Variants in PTPRD observed in about 807,000 individuals in gnomAD.
PTPRD encodes the protein receptor-type tyrosine-protein phosphatase delta.
In PTPRD, 34 loss-of-function variants were observed where a neutral mutation model predicts 214.5. That is an observed-to-expected ratio of 0.16 (90% CI 0.12 to 0.21). The LOEUF is 0.21. Among genes scored for constraint, PTPRD ranks in the 10% least tolerant of loss-of-function variants. PTPRD has a pLI of 1.00. For missense variants in PTPRD, 2,545 were observed against 2,398.7 expected (o/e 1.06, Z -1.27); for synonymous variants, 1,128 against 845.7 (o/e 1.33, Z -5.79).
At chr9:9,025,371 G>C (rs1010934928) in intron 10 of PTPRD, among the ~76,000 whole-genome samples, 29 of 151,986 alleles carry the variant, frequency 1.9e-4, no homozygotes, top group African/African-American at 6.5e-4. Flanking sequence ...TCATTGTATA[G>C]AATGTGACTT....
intron 2 of PTPRD, among the ~76,000 whole-genome samples, chr9:10,473,912 C>A (rs1290313346): frequency 6.6e-6 from 1 of 151,832 alleles, no homozygotes; most frequent in East Asian, 1.9e-4. Context: ...ATATTAGATT[C>A]CCCTTGAAAG....
chr9:8,646,781 A>T (rs1024157921), intron 12 of PTPRD, among the ~76,000 whole-genome samples: 2 of 152,168 alleles, frequency 1.3e-5, no homozygotes, highest in African/African-American at 2.4e-5. Flanking sequence ...AAAATTATAC[A>T]TGCCCCTGGT....
At chr9:8,580,586 A>C (rs1433868895) in intron 14 of PTPRD, among the ~76,000 whole-genome samples, 2 of 152,212 alleles carry the variant, frequency 1.3e-5, no homozygotes, top group Admixed American at 1.3e-4. Context: ...TGACAGGTTA[A>C]TTAAAAAGAC....
At chr9:9,320,206 T>G (rs1208045138) in intron 9 of PTPRD, among the ~76,000 whole-genome samples, 1 of 152,154 alleles carries the variant, frequency 6.6e-6, no homozygotes, top group Admixed American at 6.6e-5. Flanking sequence ...TTTCTTCCTT[T>G]TGTTCTTATT....
chr9:9,332,231 T>C (rs1432126694), intron 9 of PTPRD, among the ~76,000 whole-genome samples: 1 of 148,538 alleles, frequency 6.7e-6, no homozygotes, highest in Non-Finnish European at 1.5e-5. Flanking sequence ...AAAGCCAATT[T>C]AGCAGGTGGA....
intron 2 of PTPRD, among the ~76,000 whole-genome samples, chr9:10,611,204 A>G (rs922427467): frequency 2.6e-5 from 4 of 152,282 alleles, no homozygotes; most frequent in Admixed American, 1.3e-4. Flanking sequence ...TCTAATCACT[A>G]TTAGACTCTA....
intron 11 of PTPRD, among the ~76,000 whole-genome samples, chr9:8,949,147 C>T (rs1026396431): frequency 6.6e-6 from 1 of 150,838 alleles, no homozygotes; most frequent in African/African-American, 2.4e-5. Flanking sequence ...TCGCTTGAAC[C>T]CGGGAGGTGG....
At chr9:10,089,236 A>AATAAATAGATAG (rs531093721) in intron 3 of PTPRD, among the ~76,000 whole-genome samples, 2 of 150,720 alleles carry the variant, frequency 1.3e-5, no homozygotes, top group African/African-American at 4.9e-5. Context: ...TAAATAAATA[A>AATAAATAGATAG]ATAGAAATAA....
chr9:9,887,438 A>G (rs992609498), intron 5 of PTPRD, among the ~76,000 whole-genome samples: 3 of 152,178 alleles, frequency 2.0e-5, no homozygotes, highest in African/African-American at 7.2e-5. Flanking sequence ...AAGAGGCTGC[A>G]ATACATATAA....
chr9:8,968,194 GA>G (rs1189683250), intron 11 of PTPRD, among the ~76,000 whole-genome samples: 3 of 152,022 alleles, frequency 2.0e-5, no homozygotes, highest in African/African-American at 7.3e-5. Flanking sequence ...TTGCTATTGT[GA>G]ATAGTGCTGC....
intron 2 of PTPRD, among the ~76,000 whole-genome samples, chr9:10,587,004 A>T (rs2074099568): frequency 6.6e-6 from 1 of 152,116 alleles, no homozygotes; most frequent in Non-Finnish European, 1.5e-5. Flanking sequence ...TTTCACCATC[A>T]AGATCCTAGA....
intron 35 of PTPRD, among the ~76,000 whole-genome samples, chr9:8,413,927 A>T (rs1191352152): frequency 6.6e-6 from 1 of 152,128 alleles, no homozygotes; most frequent in African/African-American, 2.4e-5. Context: ...AAATCAGTAC[A>T]TTGATGATCT....
chr9:9,281,688 G>T (rs1406034920), intron 9 of PTPRD, among the ~76,000 whole-genome samples: 1 of 151,248 alleles, frequency 6.6e-6, no homozygotes, highest in Admixed American at 6.6e-5. Flanking sequence ...AAACAGTGTG[G>T]CAGTTTCTTA....
chr9:10,019,760 C>T (rs933223361), intron 4 of PTPRD, among the ~76,000 whole-genome samples: 1 of 145,152 alleles, frequency 6.9e-6, no homozygotes, highest in Admixed American at 7.2e-5. Flanking sequence ...GGGAACATCA[C>T]ACACTGGGGC....
chr9:8,675,815 C>T lies in PTPRD; in HGVS notation c.65-38971G>A, dbSNP rs76096793. ...AACCAGGGCAATTTTAGAAGCATTC[C>T]AACTTATCTATATTTACAGTAGCAT... On this transcript the variant is annotated intron_variant, in intron 12 of 45. Transcript: ENST00000381196. Among the ~76,000 whole-genome samples, 1,285 of 152,244 alleles carry T rather than the reference C, an allele frequency of 8.4e-3. 26 individuals are homozygous for T. The highest frequency in any genetic ancestry group is 0.03 in the African/African-American group (1,234 of 41,528).
chr9:9,956,847 G>T (rs1016357319), intron 4 of PTPRD, among the ~76,000 whole-genome samples: 1 of 152,004 alleles, frequency 6.6e-6, no homozygotes, highest in African/African-American at 2.4e-5. Context: ...AAAATAGAAA[G>T]CACATAAAAT....
intron 4 of PTPRD, among the ~76,000 whole-genome samples, chr9:9,960,357 A>C (rs905055663): frequency 2.6e-5 from 4 of 152,168 alleles, no homozygotes; most frequent in Non-Finnish European, 4.4e-5. Context: ...GAATAATTCT[A>C]AATAATGTAT....
intron 3 of PTPRD, among the ~76,000 whole-genome samples, chr9:10,073,264 T>G (rs545016890): frequency 1.2e-4 from 18 of 152,036 alleles, no homozygotes; most frequent in Non-Finnish European, 2.2e-4. Flanking sequence ...AGACTCTGTA[T>G]TACAAATTCA....
chr9:10,152,803 C>T (rs540510374), intron 3 of PTPRD, among the ~76,000 whole-genome samples: 1 of 152,164 alleles, frequency 6.6e-6, no homozygotes, highest in East Asian at 1.9e-4. Flanking sequence ...CCAGCCTGGG[C>T]AACAAGAGTG....
Sources: allele counts gnomAD v4.1 joint callset (sites outside exome capture counted in the v4.1 genomes callset), GRCh38; gene constraint gnomAD v4.1.1; transcripts MANE v1.5; gene names NCBI Gene and HGNC (gene_info 2026-07-23, HGNC 2026-07-21).